Variants in RNLS observed in about 807,000 individuals in gnomAD.
RNLS encodes renalase.
In RNLS, 39 loss-of-function variants were observed where a neutral mutation model predicts 39.8. The ratio of observed to expected loss-of-function variants is 0.98; its 90% CI spans 0.76 to 1.28. The LOEUF is 1.28. Among genes scored for constraint, RNLS ranks in the 50% most tolerant of loss-of-function variants. The pLI is 0.00. For missense variants in RNLS, 410 were observed against 413.3 expected, an observed-to-expected ratio of 0.99 and a Z score of 0.07; for synonymous variants, 147 against 150.7, an observed-to-expected ratio of 0.98 and a Z score of 0.18.
intron 4 of RNLS, among the ~76,000 whole-genome samples, chr10:88,396,019 A>G (rs1312960278): frequency 6.6e-6 from 1 of 152,122 alleles, no homozygotes; most frequent in Non-Finnish European, 1.5e-5. Context: ...GGAGAAATCA[A>G]GACACTTTCA....
chr10:88,459,814 T>C (rs1276877646), intron 4 of RNLS, among the ~76,000 whole-genome samples: 1 of 152,164 alleles, frequency 6.6e-6, no homozygotes, highest in Non-Finnish European at 1.5e-5. Context: ...GTACTCACGA[T>C]TAAAGGGCAC....
At chr10:88,264,123 C>T in the RNLS span, among the ~76,000 whole-genome samples, 1 of 152,134 alleles carries the variant, frequency 6.6e-6, no homozygotes, top group Non-Finnish European at 1.5e-5. Flanking sequence ...TCTCCAATTC[C>T]ATCCAGGTTG....
chr10:88,271,864 G>C (rs778732403), downstream of RNLS, among the ~76,000 whole-genome samples: 4 of 152,168 alleles, frequency 2.6e-5, no homozygotes, highest in African/African-American at 4.8e-5. Context: ...TGGGTCCCAG[G>C]AGTTCGTTTC....
At chr10:88,466,111 G>T (rs138949964) in intron 4 of RNLS, among the ~76,000 whole-genome samples, 100 of 152,240 alleles carry the variant, frequency 6.6e-4, no homozygotes, top group Non-Finnish European at 1.0e-3. Flanking sequence ...ACTATGAGCA[G>T]ATGGGATGCC....
In RNLS at chr10:88,487,272, G is replaced by A. The variant is rs994483863; in HGVS notation, c.526+85631C>T. ...TGGGTACTAGGCTTAGTGCCTGGAT[G>A]CTGAAATAACCTGTACAATAAACCG... On this transcript the variant is annotated intron_variant, in intron 4 of 6. Transcript: ENST00000331772. Among the ~76,000 whole-genome samples the A allele has an allele frequency of 1.6e-4, 24 of 152,150 alleles. No individual in the cohort carries two copies. The East Asian group carries it at 3.7e-3, about 23-fold the overall frequency.
intron 4 of RNLS, among the ~76,000 whole-genome samples, chr10:88,411,153 C>G (rs1379735487): frequency 6.6e-6 from 1 of 152,056 alleles, no homozygotes. Context: ...ATTAGCCAAC[C>G]CCATGGCTCA....
chr10:88,270,783 A>G (rs1412599664), downstream of RNLS, among the ~76,000 whole-genome samples: 3 of 152,216 alleles, frequency 2.0e-5, no homozygotes, highest in Non-Finnish European at 4.4e-5. Flanking sequence ...CAAGAGATAC[A>G]TACAACCCCA....
chr10:88,438,454 T>A (rs1841533706), intron 4 of RNLS, among the ~76,000 whole-genome samples: 1 of 152,212 alleles, frequency 6.6e-6, no homozygotes, highest in Non-Finnish European at 1.5e-5. Context: ...CATTAAAACT[T>A]ACCTACAGAT....
chr10:88,251,919 A>G, the RNLS span, among the ~76,000 whole-genome samples: 11 of 152,284 alleles, frequency 7.2e-5, no homozygotes, highest in East Asian at 1.9e-3. Flanking sequence ...GCCTCTTCCA[A>G]TGGTGCACCA....
intron 4 of RNLS, among the ~76,000 whole-genome samples, chr10:88,432,399 TA>T: frequency 6.6e-6 from 1 of 152,034 alleles, no homozygotes; most frequent in East Asian, 1.9e-4. Context: ...GTCCTGATTT[TA>T]AAAATCTAAT....
At chr10:88,426,640 G>A (rs571775071) in intron 4 of RNLS, among the ~76,000 whole-genome samples, 1 of 152,170 alleles carries the variant, frequency 6.6e-6, no homozygotes, top group African/African-American at 2.4e-5. Context: ...TGTTCTAGAT[G>A]CTTTGCATGT....
the RNLS span, among the ~76,000 whole-genome samples, chr10:88,185,037 G>A: frequency 6.6e-6 from 1 of 152,120 alleles, no homozygotes; most frequent in Non-Finnish European, 1.5e-5. Flanking sequence ...CTGTTGCCCT[G>A]CCTTTCCTAA....
the RNLS span, among the ~76,000 whole-genome samples, chr10:88,177,340 T>G: frequency 6.6e-6 from 1 of 152,190 alleles, no homozygotes; most frequent in African/African-American, 2.4e-5. Flanking sequence ...TCAGATATTC[T>G]TTCTTCTGTT....
At chr10:88,213,622 A>G in the RNLS span, among the ~76,000 whole-genome samples, 1 of 151,896 alleles carries the variant, frequency 6.6e-6, no homozygotes, top group African/African-American at 2.4e-5. Context: ...GAATTCAGAC[A>G]CTTTTTCTAG....
intron 4 of RNLS, among the ~76,000 whole-genome samples, chr10:88,385,279 A>T (rs7090991): frequency 6.6e-6 from 1 of 152,158 alleles, no homozygotes; most frequent in African/African-American, 2.4e-5. Context: ...AAGTACATCC[A>T]GTCAAATTTG....
At chr10:88,419,038 T>A (rs149913846) in intron 4 of RNLS, among the ~76,000 whole-genome samples, 30 of 152,294 alleles carry the variant, frequency 2.0e-4, no homozygotes, top group Admixed American at 3.3e-4. Flanking sequence ...GCAGAGTTGC[T>A]TAACCACTCC....
chr10:88,261,740 C>T, the RNLS span, among the ~76,000 whole-genome samples: 35 of 152,158 alleles, frequency 2.3e-4, no homozygotes, highest in South Asian at 6.9e-3. Flanking sequence ...CCCTAGTGCC[C>T]ACATATTAGA....
At chr10:88,445,046 A>T (rs1337492666) in intron 4 of RNLS, among the ~76,000 whole-genome samples, 1 of 152,206 alleles carries the variant, frequency 6.6e-6, no homozygotes, top group African/African-American at 2.4e-5. Flanking sequence ...ATGACCGAAA[A>T]AATGTTAAGG....
At chr10:88,496,528 G>C (rs933990294) in intron 4 of RNLS, among the ~76,000 whole-genome samples, 1 of 152,066 alleles carries the variant, frequency 6.6e-6, no homozygotes, top group African/African-American at 2.4e-5. Context: ...AAGGGAGGCA[G>C]GATGCTCTTC....
Sources: allele counts gnomAD v4.1 joint callset (sites outside exome capture counted in the v4.1 genomes callset), GRCh38; gene constraint gnomAD v4.1.1; transcripts MANE v1.5; gene names NCBI Gene and HGNC (gene_info 2026-07-23, HGNC 2026-07-21).